The following USP48 variants were observed in gnomAD, a reference collection of about 807,000 sequenced individuals.
The protein encoded by USP48 is ubiquitin carboxyl-terminal hydrolase 48.
In USP48, 43 loss-of-function variants were observed where a neutral mutation model predicts 150.7. The ratio of observed to expected loss-of-function variants is 0.29; its 90% CI spans 0.22 to 0.37. The LOEUF is 0.37. Among genes scored for constraint, USP48 ranks in the 10% least tolerant of loss-of-function variants. The probability of loss-of-function intolerance (pLI) is 1.00; values close to 1 mark genes in which losing one functional copy is unlikely to be tolerated. For synonymous variants in USP48, 396 were observed against 425.9 expected (o/e 0.93, Z 0.86); for missense variants, 813 against 1,249.6 (o/e 0.65, Z 5.27).
chr1:21,746,852 G>A (rs1309898301), intron 8 of USP48, among the ~76,000 whole-genome samples: 1 of 151,942 alleles, frequency 6.6e-6, no homozygotes, highest in African/African-American at 2.4e-5. Context: ...TGTACATATC[G>A]ATGAACCACC....
chr1:21,730,489 C>T (rs77165921), intron 9 of USP48, among the ~76,000 whole-genome samples: 2,865 of 151,708 alleles, frequency 0.019, 93 homozygotes, highest in African/African-American at 0.065. Flanking sequence ...AGGCCAGGTG[C>T]GGTGGCTCAC....
rs371086239 is a variant in USP48, at chr1:21,704,247, A to C, written c.2515+15T>G. ...GCTCTTAACTATAGAAACCGAAAGC[A>C]ATATGAAAACTTACTGGGCTCAGAA... On this transcript the variant is annotated intron_variant, in intron 20 of 26. Coordinates refer to ENST00000308271, the MANE Select transcript of USP48 (RefSeq NM_032236.8). The C allele has an allele frequency of 1.2e-4, 195 of 1,607,406 alleles. 1 individual carries two copies. In the Middle Eastern group the frequency reaches 1.5e-3, roughly 12 times the overall value.
intron 10 of USP48, among the ~76,000 whole-genome samples, 198 bp downstream of exon 10, chr1:21,729,506 T>A (rs2097750876): frequency 6.6e-6 from 1 of 152,174 alleles, no homozygotes; most frequent in Non-Finnish European, 1.5e-5. Flanking sequence ...TACTTTCTGA[T>A]TTTTTAATAA....
At chr1:21,752,116 T>C (rs2097817363) in intron 5 of USP48, among the ~76,000 whole-genome samples, 2 of 152,068 alleles carry the variant, frequency 1.3e-5, no homozygotes, top group South Asian at 4.1e-4. Flanking sequence ...GAGGTACAAG[T>C]GCAGTTTTGT....
chr1:21,709,839 G>A (rs989117097), intron 15 of USP48, among the ~76,000 whole-genome samples: 2 of 152,108 alleles, frequency 1.3e-5, no homozygotes, highest in African/African-American at 4.8e-5. Context: ...ATATTAAATA[G>A]TCATTTTACT....
intron 1 of USP48, among the ~76,000 whole-genome samples, chr1:21,769,362 T>C (rs890924498): frequency 4.0e-5 from 6 of 150,402 alleles, no homozygotes; most frequent in African/African-American, 9.8e-5. Flanking sequence ...CAAAGAACAA[T>C]AGACGTTGGG....
At chr1:21,752,870 T>C in intron 4 of USP48, 122 bp downstream of exon 4, 12 of 1,341,706 alleles carry the variant, frequency 8.9e-6, no homozygotes, top group Non-Finnish European at 1.2e-5. Flanking sequence ...ATAAAGGTTT[T>C]CATTCAAAAT....
intron 11 of USP48, chr1:21,726,651 G>A (rs2097737884): frequency 6.6e-6 from 1 of 152,126 alleles, no homozygotes; most frequent in African/African-American, 2.4e-5. Flanking sequence ...GAATACAAGT[G>A]GAGCACAAGT....
chr1:21,700,524 C>T (rs527523251), intron 22 of USP48, among the ~76,000 whole-genome samples: 1 of 152,312 alleles, frequency 6.6e-6, no homozygotes, highest in East Asian at 1.9e-4. Flanking sequence ...GATACCTCTG[C>T]CCTGTCACAG....
At position 21,756,541 on chromosome 1, in the gene USP48, C is replaced by T. The variant is rs2097835865; in HGVS notation, c.412+5G>A. ...GAGAGCTCTCCCCCACCCCTTTCCA[C>T]CCACCTTTTTCTTCTTGGATGCCGT... On this transcript the variant is annotated splice_donor_5th_base_variant and intron_variant, in intron 3 of 26. Transcript: ENST00000308271. The T allele has an allele frequency of 6.3e-7, 1 of 1,575,752 alleles. No homozygotes were observed. Among genetic ancestry groups the T allele is most frequent in the Admixed American group, 2.0e-5 (1 of 49,624 alleles).
chr1:21,751,932 C>T (rs532991167), intron 5 of USP48, among the ~76,000 whole-genome samples: 4 of 149,656 alleles, frequency 2.7e-5, no homozygotes, highest in Non-Finnish European at 4.4e-5. Context: ...GCAGGAGAAT[C>T]GCTTGAACCT....
In USP48 at chr1:21,757,734, T is replaced by C; in HGVS notation, c.184A>G (p.Ile62Val). Residue 62 changes from isoleucine (I) to valine (V), a missense_variant, in exon 2 of 27, where the codon ATT becomes GTT. Coordinates refer to ENST00000308271, the MANE Select transcript of USP48 (RefSeq NM_032236.8). ...TTTTCATCTATTTCTCCTAACCAAA[T>C]ATGCTCACCAATACCAACCAAGCAA... ...PNCLVGIGEH[I>V]WLGEIDENSF... The C allele has an allele frequency of 6.2e-7, 1 of 1,613,092 alleles. No individual in the cohort carries two copies. The highest frequency in any genetic ancestry group is 1.7e-5 in the Admixed American group (1 of 59,930).
At chr1:21,780,261 ATAACCCT>A (rs2097911093) in intron 1 of USP48, among the ~76,000 whole-genome samples, 3 of 152,242 alleles carry the variant, frequency 2.0e-5, no homozygotes, top group Non-Finnish European at 4.4e-5. Context: ...CGCAGCAGGG[ATAACCCT>A]TGGAAACATT....
At chr1:21,776,516 G>A (rs2097898728) in intron 1 of USP48, among the ~76,000 whole-genome samples, 1 of 141,776 alleles carries the variant, frequency 7.1e-6, no homozygotes, top group Admixed American at 7.5e-5. Flanking sequence ...TAGAGCCCAG[G>A]AGTTTGAGAC....
intron 15 of USP48, among the ~76,000 whole-genome samples, chr1:21,711,446 G>T (rs1381852728): frequency 6.6e-6 from 1 of 152,078 alleles, no homozygotes; most frequent in Non-Finnish European, 1.5e-5. Flanking sequence ...AAAACCTAAG[G>T]CCCCTGAACA....
chr1:21,699,168 T>A (rs566778330), intron 22 of USP48, among the ~76,000 whole-genome samples: 8 of 150,948 alleles, frequency 5.3e-5, no homozygotes, highest in African/African-American at 1.9e-4. Context: ...TACCTGGGAT[T>A]ACAGGCCCAC....
At position 21,735,885 on chromosome 1, in the gene USP48, G is replaced by GA. The variant is rs10708405; in HGVS notation, c.1171+560dup. On this transcript the variant is annotated intron_variant, in intron 9 of 26. Transcript: ENST00000308271. ...CCTGGACAAGAAGGCAACAAGAGCG[G>GA]AAAAAAAAAAAAAAAAAGGAAAGAG... Among the ~76,000 whole-genome samples, 556 of 124,368 alleles carry GA rather than the reference G, an allele frequency of 4.5e-3. 2 individuals carry two copies. The highest frequency in any genetic ancestry group is 7.2e-3 in the Non-Finnish European group (431 of 59,642). The allele number at this position is 124,368 out of a possible 152,430, so 81.6% of individuals were successfully genotyped here.
chr1:21,751,369 G>T, intron 6 of USP48, 138 bp downstream of exon 6: 2 of 663,908 alleles, frequency 3.0e-6, no homozygotes, highest in Non-Finnish European at 2.6e-6. Context: ...AGTGTCTTCT[G>T]GATCATTACA....
At position 21,747,129 on chromosome 1, in the gene USP48, T is replaced by C; in HGVS notation, c.929A>G (p.Lys310Arg). ...VFDRQTGHKK[K>R]LNTYIGFSEI... Reference sequence around the variant, plus strand: ...TGAGAAGCCAATGTAGGTATTCAGCTTTTTCTTATGTCCAGTTTGCCTAAC... The same window carrying C: ...TGAGAAGCCAATGTAGGTATTCAGCCTTTTCTTATGTCCAGTTTGCCTAAC... The change falls in exon 8 of 27, where the codon AAG (lysine) becomes AGG (arginine). Residue 310 changes from lysine to arginine, a missense_variant. Coordinates refer to ENST00000308271, the MANE Select transcript of USP48 (RefSeq NM_032236.8). The C allele has an allele frequency of 6.2e-7, 1 of 1,611,250 alleles. No homozygotes were observed. Among genetic ancestry groups the C allele is most frequent in the Non-Finnish European group, 8.5e-7 (1 of 1,179,606 alleles).
Sources: gnomAD v4.1 joint callset for allele counts (sites outside exome capture counted in the v4.1 genomes callset) on GRCh38, gnomAD v4.1.1 for gene constraint, MANE v1.5 for transcripts, NCBI Gene and HGNC (gene_info 2026-07-23, HGNC 2026-07-21) for gene names.